GRIN2A: variants seen among roughly 807,000 people sequenced by gnomAD.
GRIN2A encodes the protein glutamate ionotropic receptor NMDA type subunit 2A, also known as glutamate receptor ionotropic, NMDA 2A.
A neutral mutation model predicts 113.4 loss-of-function variants in GRIN2A; 22 were observed. That is an observed-to-expected ratio of 0.19 (90% confidence interval 0.14 to 0.28). GRIN2A has a LOEUF of 0.28. Among genes scored for constraint, GRIN2A ranks in the 10% least tolerant of loss-of-function variants. The probability of loss-of-function intolerance (pLI) is 1.00; values close to 1 mark genes in which losing one functional copy is unlikely to be tolerated. For synonymous variants in GRIN2A, 827 were observed against 738.4 expected, an observed-to-expected ratio of 1.12 and a Z score of -1.94; for missense variants, 1,502 against 1,887.0, an observed-to-expected ratio of 0.80 and a Z score of 3.78.
intron 2 of GRIN2A, among the ~76,000 whole-genome samples, chr16:9,990,766 T>C (rs1175136767): frequency 6.6e-6 from 1 of 152,184 alleles, no homozygotes; most frequent in African/African-American, 2.4e-5. Flanking sequence ...ACTATTTTCT[T>C]ATTTTAAGAA....
Position 10,095,807 on chromosome 16 carries a change from C to T in GRIN2A, c.414+84191G>A, listed in dbSNP as rs190156804. Among the ~76,000 whole-genome samples the T allele has an allele frequency of 3.7e-3, 558 of 152,118 alleles. 6 individuals carry two copies. The highest frequency in any genetic ancestry group is 0.013 in the African/African-American group (530 of 41,490). ...TTAATATCACCAATATCAAGACCAA[C>T]GGACATCATCTCTTGATACAATGCA... is the stretch of plus-strand genomic sequence containing the variant. On this transcript the variant is annotated intron_variant, in intron 2 of 12. Coordinates refer to ENST00000330684, the MANE Select transcript of GRIN2A (RefSeq NM_001134407.3).
At chr16:10,077,666 G>A (rs1331602799) in intron 2 of GRIN2A, among the ~76,000 whole-genome samples, 2 of 152,156 alleles carry the variant, frequency 1.3e-5, no homozygotes, top group African/African-American at 2.4e-5. Flanking sequence ...TTTGGCCTCC[G>A]GTTACCTTTC....
intron 2 of GRIN2A, among the ~76,000 whole-genome samples, chr16:10,105,461 C>G (rs560833367): frequency 6.6e-6 from 1 of 150,450 alleles, no homozygotes; most frequent in African/African-American, 2.4e-5. Flanking sequence ...AATAGAGAAA[C>G]TACAAATTTT....
chr16:9,878,398 C>T (rs1191025564), intron 4 of GRIN2A, among the ~76,000 whole-genome samples: 2 of 152,174 alleles, frequency 1.3e-5, no homozygotes, highest in Non-Finnish European at 2.9e-5. Context: ...GTTCTAAGCA[C>T]CTGATATATC....
At chr16:9,978,845 C>T (rs1047247443) in intron 2 of GRIN2A, among the ~76,000 whole-genome samples, 14 of 152,152 alleles carry the variant, frequency 9.2e-5, no homozygotes, top group African/African-American at 3.1e-4. Flanking sequence ...ACGGGCTTCT[C>T]GTCTGAAATG....
At chr16:9,786,326 T>A (rs538423558) in intron 11 of GRIN2A, among the ~76,000 whole-genome samples, 1 of 152,306 alleles carries the variant, frequency 6.6e-6, no homozygotes, top group East Asian at 1.9e-4. Flanking sequence ...TGCTTCTGGG[T>A]CCTTAGTTTT....
chr16:10,163,448 C>G (rs555694573), intron 2 of GRIN2A, among the ~76,000 whole-genome samples: 13 of 152,308 alleles, frequency 8.5e-5, no homozygotes, highest in African/African-American at 2.4e-4. Flanking sequence ...AAACAGTTCC[C>G]TGAGAAAACT....
At chr16:10,069,965 C>T (rs2047718969) in intron 2 of GRIN2A, among the ~76,000 whole-genome samples, 1 of 152,222 alleles carries the variant, frequency 6.6e-6, no homozygotes, top group Non-Finnish European at 1.5e-5. Flanking sequence ...AAGAAATGCT[C>T]AGTACCTGTG....
At chr16:9,779,445 C>T (rs1901808108) in intron 11 of GRIN2A, among the ~76,000 whole-genome samples, 1 of 151,984 alleles carries the variant, frequency 6.6e-6, no homozygotes, top group Non-Finnish European at 1.5e-5. Flanking sequence ...TTCCCCATTG[C>T]TTAGTATACA....
chr16:9,797,215 C>T (rs1214020495), intron 11 of GRIN2A, among the ~76,000 whole-genome samples: 1 of 152,212 alleles, frequency 6.6e-6, no homozygotes, highest in African/African-American at 2.4e-5. Context: ...TGAATATAGC[C>T]TCCACTATTT....
At position 9,841,023 on chromosome 16, in the gene GRIN2A, A is replaced by C. The variant is rs372058698; in HGVS notation, c.1410T>G (p.Thr470=). Residue 470 remains threonine, a synonymous_variant, in exon 6 of 13, where the codon ACT becomes ACG. Coordinates refer to ENST00000330684, the MANE Select transcript of GRIN2A (RefSeq NM_001134407.3). ...GATAGAGGTCGTAAGTAAACTTCAC[A>C]GTTCTGGAAAGCTTCTTCAGAATAT... The part of the protein sequence containing the change: ...CIDILKKLSR[T]VKFTYDLYLV... 130 of 1,613,260 alleles carry C rather than the reference A, an allele frequency of 8.1e-5. No homozygotes were observed. Among genetic ancestry groups the C allele is most frequent in the African/African-American group, 8.0e-4 (60 of 75,002 alleles).
chr16:10,046,123 G>A (rs1290102670), intron 2 of GRIN2A, among the ~76,000 whole-genome samples: 1 of 152,136 alleles, frequency 6.6e-6, no homozygotes, highest in African/African-American at 2.4e-5. Flanking sequence ...GCCAGTGATG[G>A]TTTTAGGGGT....
chr16:9,969,547 C>T (rs943930872), intron 2 of GRIN2A, among the ~76,000 whole-genome samples: 4 of 152,134 alleles, frequency 2.6e-5, no homozygotes, highest in Non-Finnish European at 4.4e-5. Context: ...TTCATGGTGC[C>T]CCATAAGCCA....
intron 2 of GRIN2A, among the ~76,000 whole-genome samples, chr16:10,115,658 C>A (rs953780657): frequency 1.3e-5 from 2 of 152,216 alleles, no homozygotes; most frequent in African/African-American, 2.4e-5. Flanking sequence ...ACCAGATATT[C>A]CTGAGACCCA....
At chr16:9,960,816 G>C (rs1193533146) in intron 2 of GRIN2A, among the ~76,000 whole-genome samples, 4 of 152,068 alleles carry the variant, frequency 2.6e-5, no homozygotes, top group Non-Finnish European at 4.4e-5. Context: ...GCAGAGATGA[G>C]GTTTTGCCAA....
chr16:10,170,827 T>C (rs1337433607), intron 2 of GRIN2A, among the ~76,000 whole-genome samples: 2 of 150,724 alleles, frequency 1.3e-5, no homozygotes, highest in Non-Finnish European at 2.9e-5. Flanking sequence ...CAGTGAACTA[T>C]GATCATGCCA....
At chr16:9,833,639 C>A (rs958707234) in intron 8 of GRIN2A, among the ~76,000 whole-genome samples, 2 of 152,194 alleles carry the variant, frequency 1.3e-5, no homozygotes, top group African/African-American at 4.8e-5. Flanking sequence ...AGTTGAAGTA[C>A]ATAAACCATA....
At chr16:9,769,167 GA>G in intron 11 of GRIN2A, 78 bp from the exon 12 acceptor site, 1 of 1,109,352 alleles carries the variant, frequency 9.0e-7, no homozygotes, top group Non-Finnish European at 1.4e-6. Context: ...GTTTGGAACA[GA>G]CGATGTGCAA....
At chr16:10,007,849 G>A (rs1366428613) in intron 2 of GRIN2A, among the ~76,000 whole-genome samples, 1 of 152,160 alleles carries the variant, frequency 6.6e-6, no homozygotes, top group African/African-American at 2.4e-5. Flanking sequence ...GACATGGGCA[G>A]ATAAGAACAC....
Sources: gnomAD v4.1 joint callset for allele counts (sites outside exome capture counted in the v4.1 genomes callset) on GRCh38, gnomAD v4.1.1 for gene constraint, MANE v1.5 for transcripts, NCBI Gene and HGNC (gene_info 2026-07-23, HGNC 2026-07-21) for gene names.